The following PPP1R13L variants were observed in gnomAD, a reference collection of about 807,000 sequenced individuals.
The protein encoded by PPP1R13L is relA-associated inhibitor.
In PPP1R13L, 50 loss-of-function variants were observed where a neutral mutation model predicts 80.9. The ratio of observed to expected loss-of-function variants is 0.62; its 90% confidence interval spans 0.49 to 0.78. PPP1R13L has a LOEUF of 0.78. Among genes scored for constraint, PPP1R13L ranks in the 30% least tolerant of loss-of-function variants. The pLI, the probability that PPP1R13L is intolerant of heterozygous loss-of-function variation, is 0.00. For missense variants in PPP1R13L, 1,200 were observed against 1,205.9 expected (o/e 1.00, Z 0.07); for synonymous variants, 602 against 534.3 (o/e 1.13, Z -1.75).
Position 45,396,035 on chromosome 19 carries a change from G to T in PPP1R13L, c.903+133C>A. 1 of 1,294,008 alleles carries T rather than the reference G, an allele frequency of 7.7e-7. No homozygotes were observed. Among genetic ancestry groups the T allele is most frequent in the Non-Finnish European group, 1.1e-6 (1 of 942,974 alleles). The allele number at this position is 1,294,008 out of a possible 1,614,324, so 80.2% of individuals were successfully genotyped here. On this transcript the variant is annotated intron_variant, in intron 6 of 12. Transcript: ENST00000360957. The surrounding 1 kb of genome is among the most constrained non-coding windows in gnomAD (Gnocchi z 5.3). ...GAGGAAGGAGCAGAAACCCAGCACA[G>T]TGAAGGGAGAGCGTGGGAACGGGCG...
Position 45,396,383 on chromosome 19 carries a change from C to G in PPP1R13L, c.766G>C (p.Asp256His), listed in dbSNP as rs1317303706. The change falls in exon 5 of 13, where the codon GAC becomes CAC. Residue 256 changes from aspartate (D) to histidine (H), a missense_variant. Physicochemically the swap from Asp to His is moderately conservative, Grantham distance 81. Around this residue, in one of 5 missense-constraint regions of PPP1R13L, gnomAD observed 764 missense variants for 714.5 expected, o/e 1.07. Transcript: ENST00000360957. This position sits in a 1 kb window ranked among gnomAD's most constrained non-coding sequence, Gnocchi z 5.3. ...GAAGGCTTCTTCTCGTACGCCACGT[C>G]CAGGTCAGACTCGTTCCAGGCTTTC... The part of the protein sequence containing the change: ...PPKAWNESDL[D>H]VAYEKKPSQT... 1.2e-6 allele frequency: 2 copies of G among 1,614,164 alleles called. No homozygotes were observed.
rs1210057018 is a variant in PPP1R13L at position 45,398,247 on chromosome 19, C to T, written c.55+17G>A. 6.2e-7 allele frequency: 1 copy of T among 1,613,832 alleles called. No homozygotes were observed. Among genetic ancestry groups the T allele is most frequent in the East Asian group, 2.2e-5 (1 of 44,880 alleles). The stretch of plus-strand genomic sequence containing the variant: ...GAGGTCCCCGCCTCGCCAGCCCCGC[C>T]CCCTACTCCAGCTTACACTGGAAGT... On this transcript the variant is annotated intron_variant, in intron 2 of 12. Coordinates refer to ENST00000360957, the MANE Select transcript of PPP1R13L (RefSeq NM_006663.4).
chr19:45,404,361 G>A (rs992356110), intron 1 of PPP1R13L, among the ~76,000 whole-genome samples: 4 of 152,202 alleles, frequency 2.6e-5, no homozygotes, highest in Non-Finnish European at 5.9e-5. Context: ...GGTTAGGCAG[G>A]TCTGACGCCC....
intron 3 of PPP1R13L, among the ~76,000 whole-genome samples, chr19:45,397,464 C>CTATTTCTTTCTTTCTT (rs1555782640): frequency 9.8e-6 from 1 of 101,612 alleles, no homozygotes; most frequent in Non-Finnish European, 1.8e-5. Flanking sequence ...TGCTTGCTTT[C>CTATTTCTTTCTTTCTT]TCTCTCTCTC....
intron 11 of PPP1R13L, 37 bp downstream of exon 11, chr19:45,385,525 C>A: frequency 1.3e-6 from 2 of 1,579,502 alleles, no homozygotes; most frequent in African/African-American, 2.7e-5. Context: ...CCTGCGCACC[C>A]GCCAGGTACC....
chr19:45,384,593 C>A (rs959766863), intron 11 of PPP1R13L, among the ~76,000 whole-genome samples: 3 of 149,044 alleles, frequency 2.0e-5, no homozygotes, highest in Non-Finnish European at 1.5e-5. Flanking sequence ...TGGCTCACAC[C>A]TGAATCTTAG....
Position 45,382,547 on chromosome 19 carries a change from C to T in PPP1R13L, c.2428G>A (p.Val810Met), listed in dbSNP as rs779464146. 12 of 1,613,072 alleles carry T rather than the reference C, an allele frequency of 7.4e-6. No homozygotes were observed. Among genetic ancestry groups the T allele is most frequent in the Admixed American group, 5.0e-5 (3 of 59,994 alleles). The change falls in exon 12 of 13, where the codon GTG (valine) becomes ATG (methionine). Residue 810 changes from valine to methionine, a missense_variant. Val to Met is a conservative substitution (Grantham distance 21). Around this residue, in one of 5 missense-constraint regions of PPP1R13L, gnomAD observed 165 missense variants for 177.1 expected, o/e 0.93. Coordinates refer to ENST00000360957, the MANE Select transcript of PPP1R13L (RefSeq NM_006663.4). ...CTCACCCCGAAGTAGTTCCGCGGCA[C>T]GTAGCCCTCCTGGCCGTGCAGCGCG... ...WAALHGQEGYVPRNYFGLFPR... is the reference protein window; with the variant it reads ...WAALHGQEGYMPRNYFGLFPR...
chr19:45,382,799 A>G (rs1972790427), intron 11 of PPP1R13L, 73 bp from the exon 12 acceptor site: 1 of 1,442,218 alleles, frequency 6.9e-7, no homozygotes, highest in Non-Finnish European at 9.6e-7. Flanking sequence ...CGTGGGGTCC[A>G]GGACAGACCC....
intron 8 of PPP1R13L, 142 bp from the exon 9 acceptor site, chr19:45,386,322 G>T: frequency 9.2e-7 from 1 of 1,083,650 alleles, no homozygotes; most frequent in Non-Finnish European, 1.2e-6. Context: ...TGGGGTGAGG[G>T]GGTGCCTTCG....
intron 1 of PPP1R13L, among the ~76,000 whole-genome samples, chr19:45,400,393 G>A (rs1973207163): frequency 6.6e-6 from 1 of 151,594 alleles, no homozygotes; most frequent in Admixed American, 6.6e-5. Context: ...CCACCTCCCT[G>A]CTGCATCGAC....
intron 1 of PPP1R13L, among the ~76,000 whole-genome samples, chr19:45,402,282 G>A (rs766119677): frequency 3.3e-5 from 5 of 152,072 alleles, no homozygotes; most frequent in South Asian, 4.1e-4. Context: ...TCTCTCTCGC[G>A]CCTGTGGTTA....
chr19:45,396,900 C>G lies in PPP1R13L; in HGVS notation c.357G>C (p.Ser119=), dbSNP rs367747237. The G allele has an allele frequency of 2.8e-4, 420 of 1,513,178 alleles. 1 individual carries two copies. Among genetic ancestry groups the G allele is most frequent in the Non-Finnish European group, 3.5e-4 (403 of 1,139,024 alleles). The allele number at this position is 1,513,178 out of a possible 1,614,324, so 93.7% of individuals were successfully genotyped here. A position where few individuals can be genotyped will look rare whatever the true frequency, so the allele number is the denominator to read the frequency against. Residue 119 remains serine (S), a synonymous_variant, in exon 4 of 13, where the codon TCG becomes TCC. Coordinates refer to ENST00000360957, the MANE Select transcript of PPP1R13L (RefSeq NM_006663.4). This position sits in a 1 kb window ranked among gnomAD's most constrained non-coding sequence, Gnocchi z 5.3. ...YSPLSPKGRP[S]SPRTPLYLQP... is the part of the protein sequence containing the mutation. Reference sequence around the variant, plus strand: ...GCAGGTAGAGCGGGGTGCGCGGCGACGACGGCCGTCCCTTGGGGGACAGCG... The same window carrying G: ...GCAGGTAGAGCGGGGTGCGCGGCGAGGACGGCCGTCCCTTGGGGGACAGCG...
intron 1 of PPP1R13L, among the ~76,000 whole-genome samples, chr19:45,404,390 G>A (rs1231563078): frequency 6.6e-6 from 1 of 152,136 alleles, no homozygotes; most frequent in African/African-American, 2.4e-5. Flanking sequence ...GACATGTTGG[G>A]TTCGCTCAGC....
chr19:45,397,330 A>C (rs1973124758), intron 3 of PPP1R13L, among the ~76,000 whole-genome samples: 1 of 151,292 alleles, frequency 6.6e-6, no homozygotes. Context: ...GTCCACTTCC[A>C]CTGGTCCCCT....
chr19:45,397,429 TTCCCTCCC>T (rs370237291), intron 3 of PPP1R13L, among the ~76,000 whole-genome samples: 2 of 146,008 alleles, frequency 1.4e-5, no homozygotes, highest in South Asian at 2.3e-4. Flanking sequence ...CTCTCTCTCC[TTCCCTCCC>T]TCCCTCCCTC....
chr19:45,386,297 G>C, intron 8 of PPP1R13L, 117 bp from the exon 9 acceptor site: 5 of 1,301,440 alleles, frequency 3.8e-6, no homozygotes, highest in Non-Finnish European at 5.0e-6. Flanking sequence ...GGGTAGAACT[G>C]GGATTCCCTC....
At position 45,397,003 on chromosome 19, in the gene PPP1R13L, G is replaced by T; in HGVS notation, c.254C>A (p.Pro85His). ...IPEPFGSRGS[P>H]RKAATDGADT... ...TGCGCCGTCGGTGGCCGCCTTCCGG[G>T]GGGACCCTCGGCTGCCGAAGGGCTC... Residue 85 changes from proline to histidine, a missense_variant, in exon 4 of 13, where the codon CCC (proline) becomes CAC (histidine). Coordinates refer to ENST00000360957, the MANE Select transcript of PPP1R13L (RefSeq NM_006663.4). 7.3e-7 allele frequency: 1 copy of T among 1,375,520 alleles called. No homozygotes were observed. The highest frequency in any genetic ancestry group is 1.8e-5 in the South Asian group (1 of 54,124). 85.2% of individuals were successfully genotyped at this position (1,375,520 alleles called of 1,614,324 possible).
rs1973117547 is a variant in PPP1R13L at position 45,396,993 on chromosome 19, C to T, written c.264G>A (p.Ala88=). The part of the protein sequence containing the change: ...PFGSRGSPRK[A]ATDGADTPFG... Reference sequence around the variant, plus strand: ...ACGGGGTGTCTGCGCCGTCGGTGGCCGCCTTCCGGGGGGACCCTCGGCTGC... The same window carrying T: ...ACGGGGTGTCTGCGCCGTCGGTGGCTGCCTTCCGGGGGGACCCTCGGCTGC... The change falls in exon 4 of 13, where the codon GCG becomes GCA. Residue 88 remains alanine (A), a synonymous_variant. Transcript: ENST00000360957. The surrounding 1 kb of genome is among the most constrained non-coding windows in gnomAD (Gnocchi z 5.3). The T allele has an allele frequency of 1.5e-6, 2 of 1,377,730 alleles. No homozygotes were observed. Among genetic ancestry groups the T allele is most frequent in the South Asian group, 1.8e-5 (1 of 54,370 alleles). The allele number at this position is 1,377,730 out of a possible 1,614,324, so 85.3% of individuals were successfully genotyped here.
At chr19:45,402,478 G>T (rs1973252686) in intron 1 of PPP1R13L, among the ~76,000 whole-genome samples, 1 of 152,254 alleles carries the variant, frequency 6.6e-6, no homozygotes, top group Admixed American at 6.5e-5. Context: ...GGGACAGGCG[G>T]TGGGGACGTC....
Sources: gnomAD v4.1 joint callset for allele counts (sites outside exome capture counted in the v4.1 genomes callset) on GRCh38, gnomAD v4.1.1 for gene constraint, gnomAD v4.1.1 regional missense constraint, Gnocchi (gnomAD v3.1) non-coding constraint, MANE v1.5 for transcripts, NCBI Gene and HGNC (gene_info 2026-07-23, HGNC 2026-07-21) for gene names.